Variants in CNTN6 observed in about 807,000 individuals in gnomAD.
CNTN6 encodes contactin 6.
CNTN6 carries 137 observed loss-of-function variants against 122.8 expected under a neutral mutation model. That is an observed-to-expected ratio of 1.12 (90% confidence interval 0.97 to 1.29). The LOEUF (loss-of-function observed/expected upper bound fraction) is 1.29, where lower values mean the gene tolerates loss of function less well. Ranked by LOEUF, CNTN6 falls within the 50% of genes most tolerant of loss-of-function variation. CNTN6 has a pLI of 0.00. For synonymous variants in CNTN6, 570 were observed against 426.0 expected (o/e 1.34, Z -4.16); for missense variants, 1,634 against 1,223.4 (o/e 1.34, Z -5.01).
At chr3:1,144,509 A>G (rs895132338) in intron 1 of CNTN6, among the ~76,000 whole-genome samples, 1 of 152,060 alleles carries the variant, frequency 6.6e-6, no homozygotes, top group Non-Finnish European at 1.5e-5. Flanking sequence ...CAAAAGGCAG[A>G]GGTTGGAGTG....
intron 5 of CNTN6, among the ~76,000 whole-genome samples, chr3:1,288,785 A>G (rs1238175118): frequency 6.6e-6 from 1 of 152,224 alleles, no homozygotes; most frequent in Non-Finnish European, 1.5e-5. Flanking sequence ...TATTTTAAAT[A>G]TTACAGTACA....
rs141181229 is a variant in CNTN6 at position 1,141,159 on chromosome 3, A to G, written c.-82-6768A>G. ...AATCTTCTCTTCCTTCTGGCCATGG[A>G]TGTTTATCACACTGAAATCAAACTG... On this transcript the variant is annotated intron_variant, in intron 1 of 22. Coordinates refer to ENST00000446702, the MANE Select transcript of CNTN6 (RefSeq NM_001289080.2). Among the ~76,000 whole-genome samples, 43 of 152,270 alleles carry G rather than the reference A, an allele frequency of 2.8e-4. 1 individual carries two copies. In the East Asian group the frequency reaches 7.3e-3, roughly 26 times the overall value.
intron 20 of CNTN6, among the ~76,000 whole-genome samples, chr3:1,394,695 C>G (rs1694766218): frequency 6.6e-6 from 1 of 152,068 alleles, no homozygotes; most frequent in African/African-American, 2.4e-5. Flanking sequence ...CTAAATTATT[C>G]TATGTTTTTA....
chr3:1,200,080 G>GA (rs1339146314), intron 2 of CNTN6, among the ~76,000 whole-genome samples: 3 of 151,986 alleles, frequency 2.0e-5, no homozygotes, highest in Admixed American at 2.0e-4. Context: ...TTTTTAAGAT[G>GA]AAGTCTCGCT....
At chr3:1,193,502 AT>A (rs1280727985) in intron 2 of CNTN6, among the ~76,000 whole-genome samples, 2 of 152,170 alleles carry the variant, frequency 1.3e-5, no homozygotes, top group Non-Finnish European at 2.9e-5. Context: ...GAAATAAGAA[AT>A]TTGAAATGCT....
chr3:1,192,149 CT>C (rs1157927260), intron 2 of CNTN6, among the ~76,000 whole-genome samples: 2 of 152,140 alleles, frequency 1.3e-5, no homozygotes, highest in African/African-American at 2.4e-5. Context: ...ATAAGCTCAT[CT>C]AGTGGATAAC....
At chr3:1,221,692 A>C (rs2094209634) in intron 3 of CNTN6, among the ~76,000 whole-genome samples, 1 of 152,222 alleles carries the variant, frequency 6.6e-6, no homozygotes, top group African/African-American at 2.4e-5. Context: ...GAATTTACAA[A>C]TTTAAAAATA....
intron 4 of CNTN6, among the ~76,000 whole-genome samples, chr3:1,230,153 A>G (rs760427185): frequency 1.3e-5 from 2 of 152,208 alleles, no homozygotes; most frequent in East Asian, 1.9e-4. Context: ...AACAATATCA[A>G]TTGTGATAGA....
At chr3:1,326,074 G>T (rs1701503139) in intron 9 of CNTN6, 123 bp downstream of exon 9, 2 of 770,920 alleles carry the variant, frequency 2.6e-6, no homozygotes, top group Non-Finnish European at 4.1e-6. Context: ...TCCAGGAAAG[G>T]ATGCATACAC....
chr3:1,162,294 AT>A (rs1283118144), intron 2 of CNTN6, among the ~76,000 whole-genome samples: 1 of 32,540 alleles, frequency 3.1e-5, no homozygotes, highest in Non-Finnish European at 5.0e-5. Flanking sequence ...CCTTGTTTGT[AT>A]TGTTTTGTTT....
intron 4 of CNTN6, among the ~76,000 whole-genome samples, chr3:1,277,056 A>G (rs1418389544): frequency 6.6e-6 from 1 of 152,166 alleles, no homozygotes; most frequent in Admixed American, 6.5e-5. Flanking sequence ...TTTGCTTGCC[A>G]TATTTAGCTG....
chr3:1,127,265 AGTT>A (rs1484520263), intron 1 of CNTN6, among the ~76,000 whole-genome samples: 1 of 151,796 alleles, frequency 6.6e-6, no homozygotes, highest in Non-Finnish European at 1.5e-5. Context: ...GACAGGAAAA[AGTT>A]AATTTATTTG....
At position 1,295,675 on chromosome 3, in the gene CNTN6, G is replaced by T. The variant is rs769006908; in HGVS notation, c.529G>T (p.Glu177Ter). 1 of 1,614,030 alleles carries T rather than the reference G, an allele frequency of 6.2e-7. No individual in the cohort carries two copies. Among genetic ancestry groups the T allele is most frequent in the Non-Finnish European group, 8.5e-7 (1 of 1,179,952 alleles). ...GGACAATAGGCGATTTGTATCTCAA[G>T]AGACGGGAAACTTGTACATTGCCAA... Reference protein sequence around the residue: ...QEDNRRFVSQETGNLYIAKVE... With the variant: ...QEDNRRFVSQ The change falls in exon 6 of 23, where the codon GAG (glutamate) becomes TAG (stop). Residue 177 changes from glutamate (E) to a stop codon, truncating the protein, a stop_gained. Transcript: ENST00000446702. LOFTEE classifies it high-confidence loss of function.
intron 1 of CNTN6, among the ~76,000 whole-genome samples, chr3:1,115,820 C>T (rs1293874048): frequency 6.6e-6 from 1 of 152,036 alleles, no homozygotes; most frequent in Non-Finnish European, 1.5e-5. Context: ...GAGGACGTTT[C>T]AGTTATGATA....
intron 1 of CNTN6, among the ~76,000 whole-genome samples, chr3:1,123,171 C>T (rs80106947): frequency 6.6e-6 from 1 of 151,752 alleles, no homozygotes; most frequent in Admixed American, 6.6e-5. Context: ...TTTCCATAAC[C>T]GTTTTCTAAA....
chr3:1,178,408 C>T (rs1225533359), intron 2 of CNTN6, among the ~76,000 whole-genome samples: 2 of 152,106 alleles, frequency 1.3e-5, no homozygotes, highest in African/African-American at 4.8e-5. Flanking sequence ...CTATGTTTTC[C>T]ATTCCTAGAT....
intron 12 of CNTN6, among the ~76,000 whole-genome samples, chr3:1,357,118 G>C (rs1706689706): frequency 6.6e-6 from 1 of 151,724 alleles, no homozygotes; most frequent in Non-Finnish European, 1.5e-5. Flanking sequence ...ATAATGTAAA[G>C]GATAGATGTT....
In CNTN6 at chr3:1,147,048, G is replaced by T. The variant is rs556315311; in HGVS notation, c.-82-879G>T. 2.6e-5 allele frequency among the ~76,000 whole-genome samples: 4 copies of T among 151,986 alleles called. No individual in the cohort carries two copies. In the South Asian group the frequency reaches 8.3e-4, roughly 32 times the overall value. The stretch of plus-strand genomic sequence containing the variant: ...GAAGTAACTCATGACAGAAAGAAAT[G>T]ATTTTTACAATTTAAAAATACATCA... On this transcript the variant is annotated intron_variant, in intron 1 of 22. Coordinates refer to ENST00000446702, the MANE Select transcript of CNTN6 (RefSeq NM_001289080.2).
Position 1,201,099 on chromosome 3 carries a change from TTGTGTGTGTGTGTGTGTGTGTGTG to T in CNTN6, c.56-19564_56-19541del, listed in dbSNP as rs57028088. On this transcript the variant is annotated intron_variant, in intron 2 of 22. Transcript: ENST00000446702. Reference sequence around the variant, plus strand: ...GGCACCACTGTGCCCAGCTAACATTTTGTGTGTGTGTGTGTGTGTGTGTGTGTGTGTGTGTGTGTGTGTGTGTAT... The same window carrying T: ...GGCACCACTGTGCCCAGCTAACATTTTGTGTGTGTGTGTGTGTGTGTGTAT... Among the ~76,000 whole-genome samples, 6 of 130,088 alleles carry T rather than the reference TTGTGTGTGTGTGTGTGTGTGTGTG, an allele frequency of 4.6e-5. No homozygotes were observed. In the South Asian group the frequency reaches 7.9e-4, roughly 17 times the overall value. The allele number at this position is 130,088 out of a possible 152,430, so 85.3% of individuals were successfully genotyped here.
Sources: gnomAD v4.1 joint callset for allele counts (sites outside exome capture counted in the v4.1 genomes callset) on GRCh38, gnomAD v4.1.1 for gene constraint, MANE v1.5 for transcripts, NCBI Gene and HGNC (gene_info 2026-07-23, HGNC 2026-07-21) for gene names.